Variants in XKR9 observed in about 807,000 individuals in gnomAD.
XKR9 encodes XK-related protein 9.
In XKR9, 32 loss-of-function variants were observed where a neutral mutation model predicts 32.0. That is an observed-to-expected ratio of 1.00 (90% confidence interval 0.76 to 1.34). The LOEUF (loss-of-function observed/expected upper bound fraction) is 1.34, where lower values mean the gene tolerates loss of function less well. XKR9 is among the 40% of genes most tolerant of loss of function. XKR9 has a pLI of 0.00. For missense variants in XKR9, 546 were observed against 429.7 expected (o/e 1.27, Z -2.39); for synonymous variants, 168 against 143.4 (o/e 1.17, Z -1.22).
Position 70,755,495 on chromosome 8 carries a change from A to T in XKR9, n.353-33844A>T, listed in dbSNP as rs187821445. 1.4e-4 allele frequency among the ~76,000 whole-genome samples: 21 copies of T among 152,274 alleles called. No individual in the cohort carries two copies. In the East Asian group the frequency reaches 3.5e-3, roughly 25 times the overall value. Reference sequence around the variant, plus strand: ...TGTGGCATTATTCACAATAGCAAAGACTTGGAACCAACCCAAATGTCCAAC... The same window carrying T: ...TGTGGCATTATTCACAATAGCAAAGTCTTGGAACCAACCCAAATGTCCAAC... On this transcript the variant is annotated intron_variant and non_coding_transcript_variant, in intron 2 of 3. Coordinates refer to the XKR9 transcript ENST00000520273.
intron 1 of XKR9, 104 bp downstream of exon 1, chr8:70,669,642 T>TG (rs1563411694): frequency 0.1 from 12,452 of 124,802 alleles, 776 homozygotes; most frequent in Non-Finnish European, 0.13. Flanking sequence ...GTGTGTGTAG[T>TG]AGTAGTAGTA....
the XKR9 span, among the ~76,000 whole-genome samples, chr8:71,020,667 T>A: frequency 6.6e-6 from 1 of 152,230 alleles, no homozygotes; most frequent in Non-Finnish European, 1.5e-5. Flanking sequence ...TTATAGGGCA[T>A]ATGTAGTATT....
the XKR9 span, among the ~76,000 whole-genome samples, chr8:70,862,657 ATATC>A: frequency 6.6e-6 from 1 of 151,422 alleles, no homozygotes; most frequent in Non-Finnish European, 1.5e-5. Context: ...TTTATATACT[ATATC>A]TAATAAATGC....
chr8:70,909,917 C>T, the XKR9 span, among the ~76,000 whole-genome samples: 1 of 151,662 alleles, frequency 6.6e-6, no homozygotes, highest in Non-Finnish European at 1.5e-5. Context: ...TCATGTTGGC[C>T]AGGCTGTCTC....
intron 3 of XKR9, among the ~76,000 whole-genome samples, chr8:70,701,071 T>A (rs1281793161): frequency 6.6e-6 from 1 of 152,178 alleles, no homozygotes; most frequent in African/African-American, 2.4e-5. Context: ...GTGACCCGAT[T>A]TTCCAGGTGC....
the XKR9 span, among the ~76,000 whole-genome samples, chr8:70,811,846 G>C: frequency 1.3e-5 from 2 of 151,802 alleles, no homozygotes; most frequent in African/African-American, 4.8e-5. Flanking sequence ...ATTCACAGCC[G>C]AATTCTACCA....
the XKR9 span, among the ~76,000 whole-genome samples, chr8:70,949,870 A>G: frequency 6.6e-6 from 1 of 152,286 alleles, no homozygotes; most frequent in South Asian, 2.1e-4. Context: ...TCTATGGATC[A>G]TCTTATATAA....
At chr8:70,856,107 G>A in the XKR9 span, among the ~76,000 whole-genome samples, 2 of 152,118 alleles carry the variant, frequency 1.3e-5, no homozygotes, top group Admixed American at 1.3e-4. Context: ...ATAATGACAG[G>A]ATCAAATGCA....
intron 2 of XKR9, among the ~76,000 whole-genome samples, chr8:70,754,854 C>T (rs1807195248): frequency 6.6e-6 from 1 of 152,002 alleles, no homozygotes; most frequent in Non-Finnish European, 1.5e-5. Context: ...CAGGCATGGG[C>T]AAGGACTTCC....
the XKR9 span, among the ~76,000 whole-genome samples, chr8:70,849,767 T>TA: frequency 3.3e-5 from 5 of 151,630 alleles, no homozygotes; most frequent in African/African-American, 9.7e-5. Context: ...ATAGACACAA[T>TA]AAAAAATGAT....
the XKR9 span, among the ~76,000 whole-genome samples, chr8:70,828,034 A>G: frequency 4.6e-5 from 7 of 152,222 alleles, no homozygotes; most frequent in Non-Finnish European, 8.8e-5. Flanking sequence ...TTTCATTATT[A>G]ACAGTGTCAT....
intron 2 of XKR9, among the ~76,000 whole-genome samples, chr8:70,679,230 T>A (rs188184377): frequency 6.6e-6 from 1 of 152,266 alleles, no homozygotes; most frequent in Non-Finnish European, 1.5e-5. Flanking sequence ...CACTTAACAT[T>A]ATATGAAGTC....
the XKR9 span, among the ~76,000 whole-genome samples, chr8:70,871,229 A>G: frequency 2.0e-5 from 3 of 152,202 alleles, no homozygotes; most frequent in African/African-American, 7.2e-5. Flanking sequence ...AATTTCACCT[A>G]CTGAGCTAGG....
chr8:70,843,421 C>T, the XKR9 span, among the ~76,000 whole-genome samples: 1 of 152,150 alleles, frequency 6.6e-6, no homozygotes, highest in Non-Finnish European at 1.5e-5. Flanking sequence ...ATACCTCAAA[C>T]TTCTTTAAAA....
intron 2 of XKR9, among the ~76,000 whole-genome samples, chr8:70,780,368 G>A (rs1366558061): frequency 1.3e-5 from 2 of 151,842 alleles, no homozygotes; most frequent in African/African-American, 2.4e-5. Flanking sequence ...ACCATTTAAA[G>A]CTATAAATTT....
chr8:70,894,470 T>G, the XKR9 span, among the ~76,000 whole-genome samples: 1 of 152,094 alleles, frequency 6.6e-6, no homozygotes, highest in African/African-American at 2.4e-5. Context: ...TGGGATGTAA[T>G]GTACTGTGTC....
the XKR9 span, among the ~76,000 whole-genome samples, chr8:70,859,866 T>G: frequency 6.6e-6 from 1 of 152,092 alleles, no homozygotes; most frequent in East Asian, 1.9e-4. Context: ...GAAGAGAGGT[T>G]GCTTAATGGG....
At chr8:70,887,170 T>A in the XKR9 span, among the ~76,000 whole-genome samples, 1 of 152,214 alleles carries the variant, frequency 6.6e-6, no homozygotes, top group Non-Finnish European at 1.5e-5. Context: ...CACTATTTGT[T>A]AAATAAGGAA....
the XKR9 span, among the ~76,000 whole-genome samples, chr8:70,917,460 A>G: frequency 1.3e-5 from 2 of 151,930 alleles, no homozygotes; most frequent in Non-Finnish European, 2.9e-5. Context: ...CCAACTCATG[A>G]TGGTTCAATT....
Sources: gnomAD v4.1 joint callset for allele counts (sites outside exome capture counted in the v4.1 genomes callset) on GRCh38, gnomAD v4.1.1 for gene constraint, MANE v1.5 for transcripts, NCBI Gene and HGNC (gene_info 2026-07-23, HGNC 2026-07-21) for gene names.